Variants in UBE2Z observed in about 807,000 individuals in gnomAD.
UBE2Z encodes ubiquitin-conjugating enzyme E2 Z.
UBE2Z carries 10 observed loss-of-function variants against 32.6 expected under a neutral mutation model. The observed-to-expected ratio is 0.31, with a 90% CI of 0.19 to 0.52. The LOEUF is 0.52. Ranked by LOEUF, UBE2Z falls within the 20% of genes least tolerant of loss-of-function variation. The pLI is 0.97. For synonymous variants in UBE2Z, 183 were observed against 190.8 expected (o/e 0.96, Z 0.34); for missense variants, 343 against 480.9 (o/e 0.71, Z 2.68).
chr17:48,910,691 A>G, intron 1 of UBE2Z, 117 bp from the exon 2 acceptor site: 2 of 797,438 alleles, frequency 2.5e-6, no homozygotes. Context: ...TGCGGTACCA[A>G]GCACCACTTT....
intron 5 of UBE2Z, among the ~76,000 whole-genome samples, chr17:48,921,947 G>T (rs1321580187): frequency 2.0e-5 from 3 of 152,156 alleles, no homozygotes; most frequent in Non-Finnish European, 4.4e-5. Context: ...AGGATTGCTT[G>T]AGCCTAAGAG....
chr17:48,913,787 A>T (rs1217767746), intron 3 of UBE2Z, among the ~76,000 whole-genome samples: 1 of 152,162 alleles, frequency 6.6e-6, no homozygotes, highest in Non-Finnish European at 1.5e-5. Context: ...GTGCCATTCA[A>T]GATTTGGGGT....
At chr17:48,921,298 T>G in intron 5 of UBE2Z, 26 bp downstream of exon 5, 1 of 1,580,934 alleles carries the variant, frequency 6.3e-7, no homozygotes, top group Non-Finnish European at 8.6e-7. Flanking sequence ...GCTTGCTTGG[T>G]ATTCCTTTCG....
chr17:48,922,537 C>T (rs527361129), intron 5 of UBE2Z, among the ~76,000 whole-genome samples: 30 of 151,028 alleles, frequency 2.0e-4, no homozygotes, highest in African/African-American at 6.6e-4. Context: ...GGGAGGCCGA[C>T]GCAGGCAGAT....
At position 48,912,482 on chromosome 17, in the gene UBE2Z, A is replaced by G. The variant is rs375281110; in HGVS notation, c.391-352A>G. ...ATTTTTCCACAGTGGTGTTTTATCC[A>G]TTATATGTAACACTGATCAGGGAGG... On this transcript the variant is annotated intron_variant, in intron 2 of 6. Transcript: ENST00000360943. 3.4e-5 allele frequency: 7 copies of G among 207,688 alleles called. No homozygotes were observed. The Admixed American group carries it at 3.7e-4, about 11-fold the overall frequency. The allele number at this position is 207,688 out of a possible 1,614,324, so 12.9% of individuals were successfully genotyped here.
At chr17:48,916,782 T>A in intron 4 of UBE2Z, among the ~76,000 whole-genome samples, 1 of 136,264 alleles carries the variant, frequency 7.3e-6, no homozygotes, top group Admixed American at 7.8e-5. Flanking sequence ...AGGTCAGGAG[T>A]TTGAGACCAG....
intron 4 of UBE2Z, among the ~76,000 whole-genome samples, chr17:48,917,773 T>C (rs1265548365): frequency 6.6e-6 from 1 of 152,158 alleles, no homozygotes; most frequent in Non-Finnish European, 1.5e-5. Context: ...TAATTAACTT[T>C]CACAAAGACA....
intron 4 of UBE2Z, among the ~76,000 whole-genome samples, chr17:48,918,807 T>C (rs1344018990): frequency 6.8e-6 from 1 of 146,318 alleles, no homozygotes; most frequent in East Asian, 2.1e-4. Flanking sequence ...AGTGCAGTGG[T>C]GTGATCTCAG....
chr17:48,908,619 C>A lies in UBE2Z; in HGVS notation c.116C>A (p.Pro39Gln). The change falls in exon 1 of 7, where the codon CCG becomes CAG. Residue 39 changes from proline to glutamine, a missense_variant. Pro to Gln is a moderately conservative substitution (Grantham distance 76, BLOSUM62 -1). This residue lies in a region of UBE2Z where 103 missense variants were observed against 96.2 expected (regional missense o/e 1.07). Coordinates refer to ENST00000360943, the MANE Select transcript of UBE2Z (RefSeq NM_023079.5). ...GVSGSGGGFG[P>Q]PFLPDVWAAA... Reference sequence around the variant, plus strand: ...AGCGGCAGCGGCGGCGGGTTCGGGCCGCCTTTCCTGCCGGATGTGTGGGCG... The same window carrying A: ...AGCGGCAGCGGCGGCGGGTTCGGGCAGCCTTTCCTGCCGGATGTGTGGGCG... The A allele has an allele frequency of 1.6e-6, 2 of 1,234,978 alleles. No individual in the cohort carries two copies. Among genetic ancestry groups the A allele is most frequent in the Non-Finnish European group, 2.0e-6 (2 of 986,772 alleles). The allele number at this position is 1,234,978 out of a possible 1,614,324, so 76.5% of individuals were successfully genotyped here. A position where few individuals can be genotyped will look rare whatever the true frequency, so the allele number is the denominator to read the frequency against.
Position 48,928,933 on chromosome 17 carries a change from CTTGAG to C in UBE2Z, c.*1805_*1809del, listed in dbSNP as rs1192571280. 2.0e-5 allele frequency: 3 copies of C among 152,780 alleles called. No homozygotes were observed. The highest frequency in any genetic ancestry group is 2.1e-4 in the South Asian group (1 of 4,834). The allele number at this position is 152,780 out of a possible 1,614,324, so 9.5% of individuals were successfully genotyped here. On this transcript the variant is annotated 3_prime_UTR_variant, in exon 7 of 7. Coordinates refer to ENST00000360943, the MANE Select transcript of UBE2Z (RefSeq NM_023079.5). ...AGCAGCCTGACTTTTATGCCCTAATCTTGAGTTGAGGAAATATATGCACAGGAGTC... is the reference window on the plus strand; with the variant it reads ...AGCAGCCTGACTTTTATGCCCTAATCTTGAGGAAATATATGCACAGGAGTC...
At chr17:48,925,421 C>T (rs1598078368) in intron 6 of UBE2Z, among the ~76,000 whole-genome samples, 1 of 152,142 alleles carries the variant, frequency 6.6e-6, no homozygotes, top group Admixed American at 6.5e-5. Flanking sequence ...TGACTTATGC[C>T]CTCCAGTGCT....
intron 3 of UBE2Z, among the ~76,000 whole-genome samples, chr17:48,914,755 T>A (rs2040707658): frequency 6.6e-6 from 1 of 152,190 alleles, no homozygotes; most frequent in Non-Finnish European, 1.5e-5. Context: ...CCGGGTGCGG[T>A]GGCTCACACC....
chr17:48,921,367 T>C (rs2143771929), intron 5 of UBE2Z, 95 bp downstream of exon 5: 6 of 937,710 alleles, frequency 6.4e-6, no homozygotes, highest in South Asian at 3.1e-5. Flanking sequence ...CAGAGGGAGA[T>C]AGAGAAGAAG....
intron 4 of UBE2Z, among the ~76,000 whole-genome samples, chr17:48,918,176 G>A (rs1213552038): frequency 6.6e-6 from 1 of 151,972 alleles, no homozygotes; most frequent in Non-Finnish European, 1.5e-5. Context: ...GACCTCAGGT[G>A]ATCCACTCGC....
At chr17:48,922,575 C>T (rs55771415) in intron 5 of UBE2Z, among the ~76,000 whole-genome samples, 62,439 of 151,550 alleles carry the variant, frequency 0.41, 15,366 homozygotes, top group East Asian at 0.71. Flanking sequence ...TCCTGACCAG[C>T]CTGGGCAACA....
chr17:48,927,215 G>A lies in UBE2Z; in HGVS notation c.*81G>A. 7.0e-7 allele frequency: 1 copy of A among 1,435,068 alleles called. No homozygotes were observed. The allele number at this position is 1,435,068 out of a possible 1,614,324, so 88.9% of individuals were successfully genotyped here. The stretch of plus-strand genomic sequence containing the variant: ...CCCACCCCAGGGATGGAGAGGCACT[G>A]TGTATCTCCCTCCAGACTCGAAGTC... On this transcript the variant is annotated 3_prime_UTR_variant, in exon 7 of 7. Coordinates refer to ENST00000360943, the MANE Select transcript of UBE2Z (RefSeq NM_023079.5).
At chr17:48,912,712 T>G in intron 2 of UBE2Z, 122 bp from the exon 3 acceptor site, 1 of 1,000,728 alleles carries the variant, frequency 1.0e-6, no homozygotes. Context: ...ATGGTGAGGA[T>G]ATAGAACATG....
rs753461078 is a variant in UBE2Z, at chr17:48,913,029, G to A, written c.578+8G>A. 1 of 1,611,942 alleles carries A rather than the reference G, an allele frequency of 6.2e-7. No homozygotes were observed. Among genetic ancestry groups the A allele is most frequent in the Non-Finnish European group, 8.5e-7 (1 of 1,178,338 alleles). ...CTGCTTGAGTATTCTAGGGTAAGAG[G>A]AGACTTTTAAGTAGCCAAGTCGGTT... is the stretch of plus-strand genomic sequence containing the variant. On this transcript the variant is annotated splice_region_variant and intron_variant, in intron 3 of 6. Transcript: ENST00000360943.
At chr17:48,917,825 C>T (rs1340791875) in intron 4 of UBE2Z, among the ~76,000 whole-genome samples, 2 of 152,198 alleles carry the variant, frequency 1.3e-5, no homozygotes, top group African/African-American at 2.4e-5. Flanking sequence ...TGGAGCCCAA[C>T]TTCTCCCACT....
Sources: gnomAD v4.1 joint callset for allele counts (sites outside exome capture counted in the v4.1 genomes callset) on GRCh38, gnomAD v4.1.1 for gene constraint, gnomAD v4.1.1 regional missense constraint, MANE v1.5 for transcripts, NCBI Gene and HGNC (gene_info 2026-07-23, HGNC 2026-07-21) for gene names.